The following NRXN1 variants were observed in gnomAD, a reference collection of about 807,000 sequenced individuals.
NRXN1 encodes neurexin 1.
NRXN1 carries 39 observed loss-of-function variants against 150.9 expected under a neutral mutation model. The ratio of observed to expected loss-of-function variants is 0.26; its 90% CI spans 0.20 to 0.34. The LOEUF (loss-of-function observed/expected upper bound fraction) is 0.34. Among genes scored for constraint, NRXN1 ranks in the 10% least tolerant of loss-of-function variants. The pLI, the probability that NRXN1 is intolerant of heterozygous loss-of-function variation, is 1.00. For synonymous variants in NRXN1, 924 were observed against 757.0 expected, an observed-to-expected ratio of 1.22 and a Z score of -3.62; for missense variants, 1,815 against 1,949.9, an observed-to-expected ratio of 0.93 and a Z score of 1.30.
chr2:50,134,211 T>C (rs1706016662), intron 18 of NRXN1, among the ~76,000 whole-genome samples: 1 of 151,514 alleles, frequency 6.6e-6, no homozygotes, highest in Non-Finnish European at 1.5e-5. Flanking sequence ...ACTATGACAT[T>C]TTTTGAAAAG....
At chr2:50,909,065 TAAGTAAATGAGA>T (rs1360781453) in intron 5 of NRXN1, among the ~76,000 whole-genome samples, 2 of 152,086 alleles carry the variant, frequency 1.3e-5, no homozygotes, top group African/African-American at 4.8e-5. Context: ...AGTATTTTTT[TAAGTAAATGAGA>T]AATTAGACAT....
chr2:50,116,541 C>A (rs1703095768), intron 18 of NRXN1, among the ~76,000 whole-genome samples: 1 of 152,004 alleles, frequency 6.6e-6, no homozygotes, highest in Non-Finnish European at 1.5e-5. Flanking sequence ...TAAAAAGGGA[C>A]CCTTCCAAGG....
chr2:50,117,728 C>T (rs1703256302), intron 18 of NRXN1, among the ~76,000 whole-genome samples: 2 of 150,494 alleles, frequency 1.3e-5, no homozygotes, highest in Non-Finnish European at 3.0e-5. Flanking sequence ...TCAATGAGTA[C>T]TTCTCACCGA....
chr2:50,719,412 G>A (rs1424446310), intron 5 of NRXN1, among the ~76,000 whole-genome samples: 1 of 151,916 alleles, frequency 6.6e-6, no homozygotes, highest in Non-Finnish European at 1.5e-5. Flanking sequence ...GGTGGCTCAT[G>A]GAACCTGTAA....
At chr2:50,510,356 G>A (rs1269361144) in intron 12 of NRXN1, among the ~76,000 whole-genome samples, 2 of 151,486 alleles carry the variant, frequency 1.3e-5, no homozygotes, top group Non-Finnish European at 2.9e-5. Flanking sequence ...TGTAGTGGCA[G>A]GAACCCGTAA....
At chr2:50,250,304 A>G (rs1263254002) in intron 17 of NRXN1, among the ~76,000 whole-genome samples, 1 of 152,192 alleles carries the variant, frequency 6.6e-6, no homozygotes, top group African/African-American at 2.4e-5. Flanking sequence ...ATAAAATTTA[A>G]TATGGCTCTG....
At chr2:50,102,041 C>G (rs1701052914) in intron 18 of NRXN1, among the ~76,000 whole-genome samples, 1 of 151,938 alleles carries the variant, frequency 6.6e-6, no homozygotes, top group Non-Finnish European at 1.5e-5. Flanking sequence ...AATGCATTTA[C>G]CAATGAATAT....
chr2:50,761,635 T>C (rs1011525937), intron 5 of NRXN1, among the ~76,000 whole-genome samples: 8 of 151,958 alleles, frequency 5.3e-5, no homozygotes, highest in Admixed American at 3.9e-4. Flanking sequence ...GAGTGTCAAC[T>C]TGACTGGATT....
At position 50,762,151 on chromosome 2, in the gene NRXN1, A is replaced by G. The variant is rs534141553; in HGVS notation, c.833-138536T>C. Among the ~76,000 whole-genome samples the G allele has an allele frequency of 4.6e-5, 7 of 151,074 alleles. No individual in the cohort carries two copies. In the East Asian group the frequency reaches 1.4e-3, roughly 30 times the overall value. ...CACACACACACACACACACACACAC[A>G]CATCTATCCTATTAGTCCTGTCCAT... On this transcript the variant is annotated intron_variant, in intron 5 of 22. Transcript: ENST00000401669.
intron 11 of NRXN1, chr2:50,528,890 A>G (rs2105188984): frequency 2.3e-6 from 1 of 432,382 alleles, no homozygotes; most frequent in Non-Finnish European, 4.2e-6. Context: ...ATGGTGACAA[A>G]TCTAAGTGAA....
rs1407147470 is a variant in NRXN1, at chr2:50,627,394, TGC to T, written c.833-3781_833-3780del. ...GTGTGTGTGTGTGTGTGTGTGTGTG[TGC>T]GCATACTAATAATTATATATGAAAA... On this transcript the variant is annotated intron_variant, in intron 5 of 22. Coordinates refer to ENST00000401669, the MANE Select transcript of NRXN1 (RefSeq NM_001330078.2). 1.7e-3 allele frequency among the ~76,000 whole-genome samples: 192 copies of T among 115,896 alleles called. 2 individuals are homozygous for T. The highest frequency in any genetic ancestry group is 4.8e-3 in the African/African-American group (172 of 36,126). The allele number at this position is 115,896 out of a possible 152,430, so 76.0% of individuals were successfully genotyped here. A position where few individuals can be genotyped will look rare whatever the true frequency, so the allele number is the denominator to read the frequency against.
chr2:50,416,210 G>C (rs1215703826), intron 17 of NRXN1, among the ~76,000 whole-genome samples: 1 of 152,132 alleles, frequency 6.6e-6, no homozygotes, highest in Non-Finnish European at 1.5e-5. Flanking sequence ...TAAAGAGAGA[G>C]AATTGGAAGT....
chr2:50,454,386 G>A (rs1056855324), intron 17 of NRXN1, among the ~76,000 whole-genome samples: 7 of 151,904 alleles, frequency 4.6e-5, no homozygotes, highest in Non-Finnish European at 1.0e-4. Context: ...CAGGGCTGCT[G>A]CAATGGAATG....
intron 2 of NRXN1, among the ~76,000 whole-genome samples, chr2:50,998,857 T>C (rs1249676174): frequency 1.3e-5 from 2 of 152,092 alleles, no homozygotes; most frequent in Non-Finnish European, 2.9e-5. Context: ...GATAAATGTT[T>C]TTTAAAATTA....
chr2:51,003,152 A>G (rs1468275557), intron 2 of NRXN1, among the ~76,000 whole-genome samples: 2 of 151,960 alleles, frequency 1.3e-5, no homozygotes, highest in African/African-American at 4.8e-5. Flanking sequence ...TAAGGTAACA[A>G]AAACAAATAA....
chr2:50,744,737 T>C (rs1015921471), intron 5 of NRXN1, among the ~76,000 whole-genome samples: 10 of 152,166 alleles, frequency 6.6e-5, no homozygotes, highest in Admixed American at 1.3e-4. Context: ...TGTGAATATG[T>C]ATATTCATAA....
At position 50,091,346 on chromosome 2, in the gene NRXN1, G is replaced by C. The variant is rs749628119; in HGVS notation, c.3695C>G (p.Pro1232Arg). The C allele has an allele frequency of 6.2e-7, 1 of 1,614,142 alleles. No individual in the cohort carries two copies. The highest frequency in any genetic ancestry group is 1.1e-5 in the South Asian group (1 of 91,088). ...GNATLQVDSW[P>R]VIERYPAGNN... ...ACCTGCAGGGTAGCGCTCGATCACT[G>C]GCCAGCTGTCCACCTGCAACGTGGC... The change falls in exon 19 of 23, where the codon CCA (proline) becomes CGA (arginine). Residue 1232 changes from proline to arginine, a missense_variant. Transcript: ENST00000401669.
chr2:50,154,528 T>C (rs1281189401), intron 18 of NRXN1, among the ~76,000 whole-genome samples: 1 of 151,578 alleles, frequency 6.6e-6, no homozygotes, highest in East Asian at 1.9e-4. Flanking sequence ...TGACCATCTA[T>C]TGTTAAAAAA....
At chr2:50,934,756 G>A (rs1415624740) in intron 2 of NRXN1, among the ~76,000 whole-genome samples, 2 of 152,132 alleles carry the variant, frequency 1.3e-5, no homozygotes, top group African/African-American at 2.4e-5. Context: ...TCTATTTAGA[G>A]CAGGGTTATT....
Sources: allele counts gnomAD v4.1 joint callset (sites outside exome capture counted in the v4.1 genomes callset), GRCh38; gene constraint gnomAD v4.1.1; transcripts MANE v1.5; gene names NCBI Gene and HGNC (gene_info 2026-07-23, HGNC 2026-07-21).